The following CEP70 variants were observed in gnomAD, a reference collection of about 807,000 sequenced individuals.
The protein encoded by CEP70 is centrosomal protein of 70 kDa.
In CEP70, 70 loss-of-function variants were observed where a neutral mutation model predicts 90.9. That is an observed-to-expected ratio of 0.77 (90% CI 0.64 to 0.94). The LOEUF (loss-of-function observed/expected upper bound fraction) is 0.94, where lower values mean the gene tolerates loss of function less well. Ranked by LOEUF, CEP70 falls within the 40% of genes least tolerant of loss-of-function variation. CEP70 has a pLI of 0.00. For synonymous variants in CEP70, 220 were observed against 228.3 expected (o/e 0.96, Z 0.33); for missense variants, 648 against 669.0 (o/e 0.97, Z 0.35).
chr3:138,593,541 G>A (rs1302637229), intron 1 of CEP70, among the ~76,000 whole-genome samples: 1 of 152,120 alleles, frequency 6.6e-6, no homozygotes, highest in African/African-American at 2.4e-5. Flanking sequence ...ATCATTGATT[G>A]AAAAACAAAG....
Position 138,570,409 on chromosome 3 carries a change from T to A in CEP70, c.374A>T (p.Lys125Ile). ...TGATTCATCCTCCAATTCACCAATT[T>A]TGGATTTCACACTTTCCATAATTTG... ...LEQIMESVKS[K>I]IGELEDESLS... The change falls in exon 6 of 18, where the codon AAA becomes ATA. Residue 125 changes from lysine to isoleucine, a missense_variant. By Grantham distance (102) the Lys-to-Ile change is moderately radical. Transcript: ENST00000264982. 1 of 1,609,680 alleles carries A rather than the reference T, an allele frequency of 6.2e-7. No homozygotes were observed. Among genetic ancestry groups the A allele is most frequent in the Non-Finnish European group, 8.5e-7 (1 of 1,178,340 alleles).
intron 6 of CEP70, among the ~76,000 whole-genome samples, chr3:138,544,329 C>A (rs1429878512): frequency 1.3e-5 from 2 of 148,670 alleles, no homozygotes; most frequent in Non-Finnish European, 3.0e-5. Flanking sequence ...TCATCTCACT[C>A]CAGTTAGAAT....
intron 6 of CEP70, among the ~76,000 whole-genome samples, chr3:138,556,305 G>A (rs2039999920): frequency 6.6e-6 from 1 of 152,060 alleles, no homozygotes; most frequent in Non-Finnish European, 1.5e-5. Flanking sequence ...TAAGGTGGGT[G>A]GATCATGAGG....
chr3:138,509,005 T>G (rs541125803), intron 11 of CEP70, among the ~76,000 whole-genome samples: 4 of 152,252 alleles, frequency 2.6e-5, no homozygotes, highest in South Asian at 2.1e-4. Flanking sequence ...AGTGTTGGGA[T>G]TACAGGCGTG....
intron 8 of CEP70, among the ~76,000 whole-genome samples, chr3:138,530,080 G>A (rs1356570274): frequency 6.6e-6 from 1 of 152,168 alleles, no homozygotes; most frequent in African/African-American, 2.4e-5. Context: ...AGGACTCTGT[G>A]AAATGCAAAG....
intron 8 of CEP70, among the ~76,000 whole-genome samples, chr3:138,529,879 T>C (rs952825216): frequency 8.5e-5 from 13 of 152,206 alleles, no homozygotes; most frequent in African/African-American, 2.4e-4. Context: ...AAAACCTATA[T>C]GAAGAAAATG....
At chr3:138,590,401 T>C (rs1053257380) in intron 2 of CEP70, among the ~76,000 whole-genome samples, 2 of 152,142 alleles carry the variant, frequency 1.3e-5, no homozygotes, top group Non-Finnish European at 2.9e-5. Flanking sequence ...GATACAGGTA[T>C]CCTAGCTCTG....
chr3:138,567,236 C>T (rs559817185), intron 6 of CEP70, among the ~76,000 whole-genome samples: 3 of 152,150 alleles, frequency 2.0e-5, no homozygotes, highest in South Asian at 2.1e-4. Context: ...CCAATGTTTC[C>T]TTTCTCCCAA....
intron 17 of CEP70, chr3:138,496,423 T>C: frequency 1.0e-6 from 1 of 985,376 alleles, no homozygotes; most frequent in Non-Finnish European, 1.2e-6. Flanking sequence ...AGAGAATTTG[T>C]TTACAATTCC....
rs1002649838 is a variant in CEP70, at chr3:138,505,495, A to G, written c.1051-30T>C. The G allele has an allele frequency of 6.9e-6, 10 of 1,452,956 alleles. No individual in the cohort carries two copies. The African/African-American group carries it at 1.1e-4, about 17-fold the overall frequency. The allele number at this position is 1,452,956 out of a possible 1,614,324, so 90.0% of individuals were successfully genotyped here. On this transcript the variant is annotated intron_variant, in intron 12 of 17. Transcript: ENST00000264982. ...AAAAAAACATAGTGTATATAGTCAA[A>G]ATATTTATCCTATGCCTACAAAGTT...
chr3:138,558,803 A>G (rs2040201291), intron 6 of CEP70, among the ~76,000 whole-genome samples: 1 of 152,234 alleles, frequency 6.6e-6, no homozygotes, highest in African/African-American at 2.4e-5. Context: ...TCAGTAAAAA[A>G]CAACCAGGCA....
intron 11 of CEP70, among the ~76,000 whole-genome samples, chr3:138,520,880 C>T (rs1356198293): frequency 5.3e-5 from 8 of 152,172 alleles, no homozygotes; most frequent in Non-Finnish European, 7.3e-5. Context: ...ACTGTACTGC[C>T]GCGATCTCGG....
rs768199182 is a variant in CEP70, at chr3:138,522,153, G to C, written c.944+3337C>G. Among the ~76,000 whole-genome samples the C allele has an allele frequency of 2.0e-5, 3 of 152,176 alleles. No homozygotes were observed. In the South Asian group the frequency reaches 6.2e-4, roughly 32 times the overall value. ...ATGGACGCAAACACTGCGGAAGGCC[G>C]CAGGGTCCTCTGCCTAGGAAAACCA... On this transcript the variant is annotated intron_variant, in intron 11 of 17. Transcript: ENST00000264982.
rs2034060155 is a variant in CEP70 at position 138,497,567 on chromosome 3, TA to T, written c.1732+463del. 3 of 955,002 alleles carry T rather than the reference TA, an allele frequency of 3.1e-6. No homozygotes were observed. In the Admixed American group the frequency reaches 1.8e-4, roughly 59 times the overall value. 59.2% of individuals were successfully genotyped at this position (955,002 alleles called of 1,614,324 possible). On this transcript the variant is annotated intron_variant, in intron 17 of 17. Coordinates refer to ENST00000264982, the MANE Select transcript of CEP70 (RefSeq NM_024491.4). ...CTCAATCTGACCCTCAGTATAAGTG[TA>T]ATATTTCATCTTTTCCTTTCCACAG...
At chr3:138,544,541 G>GTA (rs2039038409) in intron 6 of CEP70, among the ~76,000 whole-genome samples, 1 of 110,146 alleles carries the variant, frequency 9.1e-6, no homozygotes, top group African/African-American at 3.4e-5. Flanking sequence ...GTATGTATGT[G>GTA]TGTGTGTGTG....
chr3:138,506,953 G>A lies in CEP70; in HGVS notation c.1050+1486C>T, dbSNP rs192630639. Among the ~76,000 whole-genome samples, 434 of 151,892 alleles carry A rather than the reference G, an allele frequency of 2.9e-3. 4 individuals are homozygous for A. The highest frequency in any genetic ancestry group is 0.01 in the African/African-American group (418 of 41,416). On this transcript the variant is annotated intron_variant, in intron 12 of 17. Transcript: ENST00000264982. ...AGATGTGGTCTCACTATATTGCCCAGGCTGGTCTCAAACTCCTGCCCTCTA... is the reference window on the plus strand; with the variant it reads ...AGATGTGGTCTCACTATATTGCCCAAGCTGGTCTCAAACTCCTGCCCTCTA...
chr3:138,562,780 T>C (rs1327093503), intron 6 of CEP70, among the ~76,000 whole-genome samples: 1 of 152,124 alleles, frequency 6.6e-6, no homozygotes, highest in East Asian at 1.9e-4. Context: ...ATCGACACTA[T>C]GAAGAAACTG....
At chr3:138,547,938 G>A (rs191982527) in intron 6 of CEP70, among the ~76,000 whole-genome samples, 3 of 152,248 alleles carry the variant, frequency 2.0e-5, no homozygotes, top group South Asian at 4.2e-4. Flanking sequence ...ACTGACCACA[G>A]GGAACTGAAA....
At chr3:138,549,259 G>A (rs1390049867) in intron 6 of CEP70, among the ~76,000 whole-genome samples, 2 of 151,550 alleles carry the variant, frequency 1.3e-5, no homozygotes, top group Non-Finnish European at 2.9e-5. Flanking sequence ...GGGGAGGCAC[G>A]GAAGCCCTGC....
Sources: gnomAD v4.1 joint callset for allele counts (sites outside exome capture counted in the v4.1 genomes callset) on GRCh38, gnomAD v4.1.1 for gene constraint, MANE v1.5 for transcripts, NCBI Gene and HGNC (gene_info 2026-07-23, HGNC 2026-07-21) for gene names.